PPP3CC: variants seen among roughly 807,000 people sequenced by gnomAD.
PPP3CC encodes serine/threonine-protein phosphatase 2B catalytic subunit gamma isoform.
A neutral mutation model predicts 60.3 loss-of-function variants in PPP3CC; 35 were observed. The ratio of observed to expected loss-of-function variants is 0.58; its 90% CI spans 0.44 to 0.77. The LOEUF (loss-of-function observed/expected upper bound fraction) is 0.77. Among genes scored for constraint, PPP3CC ranks in the 30% least tolerant of loss-of-function variants. The pLI, the probability that PPP3CC is intolerant of heterozygous loss-of-function variation, is 0.00. For missense variants in PPP3CC, 570 were observed against 628.9 expected (o/e 0.91, Z 1.00); for synonymous variants, 206 against 224.3 (o/e 0.92, Z 0.73).
At chr8:22,524,067 T>C (rs943676936) in intron 8 of PPP3CC, among the ~76,000 whole-genome samples, 2 of 152,172 alleles carry the variant, frequency 1.3e-5, no homozygotes, top group African/African-American at 4.8e-5. Flanking sequence ...TTGTTGAAGA[T>C]AAGTTGGAAT....
intron 1 of PPP3CC, among the ~76,000 whole-genome samples, chr8:22,472,872 C>T (rs1837771875): frequency 6.6e-6 from 1 of 152,068 alleles, no homozygotes; most frequent in Middle Eastern, 3.2e-3. Flanking sequence ...TATTCCAGTT[C>T]CCACTCATTA....
At chr8:22,509,357 C>T (rs1435435627) in intron 4 of PPP3CC, among the ~76,000 whole-genome samples, 1 of 152,200 alleles carries the variant, frequency 6.6e-6, no homozygotes, top group Non-Finnish European at 1.5e-5. Flanking sequence ...CTGACTCACT[C>T]GATACAGCTT....
At chr8:22,467,656 C>T (rs971332561) in intron 1 of PPP3CC, among the ~76,000 whole-genome samples, 1 of 152,058 alleles carries the variant, frequency 6.6e-6, no homozygotes, top group East Asian at 1.9e-4. Flanking sequence ...GTTTTGAACT[C>T]GACCTTATGA....
At chr8:22,519,091 C>T (rs940134045) in intron 6 of PPP3CC, among the ~76,000 whole-genome samples, 2 of 152,138 alleles carry the variant, frequency 1.3e-5, no homozygotes, top group African/African-American at 4.8e-5. Flanking sequence ...ATAATTGTTA[C>T]ATCTTTCTGT....
At chr8:22,508,440 T>C in intron 4 of PPP3CC, among the ~76,000 whole-genome samples, 1 of 152,176 alleles carries the variant, frequency 6.6e-6, no homozygotes, top group East Asian at 1.9e-4. Context: ...ATAAACATGG[T>C]GATATTTCAT....
intron 4 of PPP3CC, among the ~76,000 whole-genome samples, chr8:22,510,373 T>TG (rs1839051748): frequency 6.6e-6 from 1 of 152,144 alleles, no homozygotes; most frequent in African/African-American, 2.4e-5. Flanking sequence ...ACCTTAAAAA[T>TG]TATGAGCAAA....
rs754651098 is a variant in PPP3CC at position 22,450,929 on chromosome 8, G to A, written c.49+9471G>A. 9.4e-5 allele frequency among the ~76,000 whole-genome samples: 14 copies of A among 149,100 alleles called. 1 individual carries two copies. In the South Asian group the frequency reaches 1.3e-3, roughly 14 times the overall value. On this transcript the variant is annotated intron_variant, in intron 1 of 13. Transcript: ENST00000240139. ...CGGCTCACTGAAAGCTCCGCCTCCGGATTCACGCCATTCTCCTGCCTCAGC... is the reference window on the plus strand; with the variant it reads ...CGGCTCACTGAAAGCTCCGCCTCCGAATTCACGCCATTCTCCTGCCTCAGC...
chr8:22,447,162 C>T (rs1836851085), intron 1 of PPP3CC, among the ~76,000 whole-genome samples: 1 of 150,254 alleles, frequency 6.7e-6, no homozygotes, highest in Non-Finnish European at 1.5e-5. Context: ...GCATACGCCA[C>T]CGTGTCCAAC....
In PPP3CC at chr8:22,493,057, T is replaced by C. The variant is rs995901429; in HGVS notation, c.373-4944T>C. On this transcript the variant is annotated intron_variant, in intron 3 of 13. Transcript: ENST00000240139. ...GAAGTTCCAGCTCTTGTGGAGAATT[T>C]TGATGAGGCTTCCAAGATGGAGAAT... 38 of 1,458,510 alleles carry C rather than the reference T, an allele frequency of 2.6e-5. No individual in the cohort carries two copies. In the African/African-American group the frequency reaches 4.5e-4, roughly 17 times the overall value. The allele number at this position is 1,458,510 out of a possible 1,614,324, so 90.3% of individuals were successfully genotyped here.
chr8:22,454,410 A>G (rs992498070), intron 1 of PPP3CC, among the ~76,000 whole-genome samples: 1 of 152,214 alleles, frequency 6.6e-6, no homozygotes, highest in Admixed American at 6.5e-5. Context: ...TACTTCCTGA[A>G]GGACCTGTCT....
chr8:22,540,541 T>TAAG, intron 13 of PPP3CC, 74 bp from the exon 14 acceptor site: 1 of 1,458,732 alleles, frequency 6.9e-7, no homozygotes. Context: ...TGCTGTGTGC[T>TAAG]AAGAAACTTT....
chr8:22,442,562 C>T (rs1322724589), intron 1 of PPP3CC, among the ~76,000 whole-genome samples: 2 of 152,134 alleles, frequency 1.3e-5, no homozygotes, highest in Non-Finnish European at 2.9e-5. Context: ...ATTATCTGTA[C>T]TACATAATTA....
At chr8:22,540,578 A>G in intron 13 of PPP3CC, 37 bp from the exon 14 acceptor site, 2 of 1,586,034 alleles carry the variant, frequency 1.3e-6, no homozygotes, top group South Asian at 2.3e-5. Context: ...TTGCTGCCTA[A>G]TTGAGCTCTC....
chr8:22,490,950 A>G (rs1158277409), intron 3 of PPP3CC, among the ~76,000 whole-genome samples: 1 of 152,124 alleles, frequency 6.6e-6, no homozygotes, highest in East Asian at 1.9e-4. Context: ...ATGACTTATA[A>G]TCCTTTGGGT....
At chr8:22,494,110 A>G (rs933197449) in intron 3 of PPP3CC, among the ~76,000 whole-genome samples, 13 of 152,096 alleles carry the variant, frequency 8.5e-5, no homozygotes, top group Admixed American at 2.6e-4. Context: ...GACTATATTG[A>G]TTTATCTGTT....
chr8:22,456,987 C>G (rs1837213558), intron 1 of PPP3CC, among the ~76,000 whole-genome samples: 2 of 36,902 alleles, frequency 5.4e-5, no homozygotes, highest in South Asian at 1.7e-3. Flanking sequence ...TTTATTTCCT[C>G]CCTCCCTCCC....
chr8:22,518,721 C>T (rs770873684), intron 6 of PPP3CC, among the ~76,000 whole-genome samples: 9 of 152,266 alleles, frequency 5.9e-5, no homozygotes, highest in Non-Finnish European at 1.0e-4. Context: ...GAGTCTCGCT[C>T]TGTCGCCCAG....
chr8:22,537,491 A>C (rs1839870238), intron 12 of PPP3CC, among the ~76,000 whole-genome samples: 1 of 152,204 alleles, frequency 6.6e-6, no homozygotes, highest in Admixed American at 6.5e-5. Flanking sequence ...TTTGGAAAAC[A>C]TTCTGACAGG....
At chr8:22,446,156 T>C (rs1047556561) in intron 1 of PPP3CC, among the ~76,000 whole-genome samples, 15 of 152,166 alleles carry the variant, frequency 9.9e-5, no homozygotes, top group African/African-American at 3.6e-4. Flanking sequence ...GTACAAATTA[T>C]AAATGTACAG....
Sources: allele counts gnomAD v4.1 joint callset (sites outside exome capture counted in the v4.1 genomes callset), GRCh38; gene constraint gnomAD v4.1.1; transcripts MANE v1.5; gene names NCBI Gene and HGNC (gene_info 2026-07-23, HGNC 2026-07-21).